Variants in ZMYND8 observed in about 807,000 individuals in gnomAD.
ZMYND8 encodes the protein zinc finger MYND-type containing 8, also known as MYND-type zinc finger-containing chromatin reader ZMYND8.
ZMYND8 carries 37 observed loss-of-function variants against 140.8 expected under a neutral mutation model. That is an observed-to-expected ratio of 0.26 (90% CI 0.20 to 0.35). The LOEUF (loss-of-function observed/expected upper bound fraction) is 0.35, where lower values mean the gene tolerates loss of function less well. Ranked by LOEUF, ZMYND8 falls within the 10% of genes least tolerant of loss-of-function variation. The pLI is 1.00. For missense variants in ZMYND8, 1,068 were observed against 1,570.0 expected (o/e 0.68, Z 5.40); for synonymous variants, 592 against 597.1 (o/e 0.99, Z 0.12).
intron 2 of ZMYND8, among the ~76,000 whole-genome samples, chr20:47,312,053 G>A (rs57339762): frequency 0.014 from 2,122 of 152,224 alleles, 62 homozygotes; most frequent in South Asian, 0.1. Flanking sequence ...TACCACAAGA[G>A]GGGTGAGCTG....
chr20:47,329,924 G>C (rs1292214287), intron 2 of ZMYND8, among the ~76,000 whole-genome samples: 2 of 152,150 alleles, frequency 1.3e-5, no homozygotes, highest in African/African-American at 2.4e-5. Flanking sequence ...CACTCCTTTA[G>C]TCTAGCCTGG....
intron 11 of ZMYND8, among the ~76,000 whole-genome samples, chr20:47,265,068 A>ATATATATATATATATATAT (rs1555948705): frequency 9.7e-5 from 14 of 144,582 alleles, no homozygotes; most frequent in South Asian, 4.3e-4. Flanking sequence ...ATATATATAT[A>ATATATATATATATATATAT]GGCATTTTAA....
intron 21 of ZMYND8, among the ~76,000 whole-genome samples, chr20:47,218,680 G>C (rs1357368049): frequency 6.6e-6 from 1 of 152,134 alleles, no homozygotes; most frequent in Non-Finnish European, 1.5e-5. Flanking sequence ...GCACTAAACT[G>C]AGCCTGTTAC....
At chr20:47,212,785 C>A in intron 21 of ZMYND8, 60 bp from the exon 22 acceptor site, 1 of 1,454,390 alleles carries the variant, frequency 6.9e-7, no homozygotes, top group South Asian at 1.3e-5. Context: ...CCGCACAACC[C>A]CAAGTGCTTA....
intron 2 of ZMYND8, among the ~76,000 whole-genome samples, chr20:47,334,727 A>G (rs1312920170): frequency 6.6e-6 from 1 of 151,748 alleles, no homozygotes; most frequent in Non-Finnish European, 1.5e-5. Context: ...CTCCCGCCTC[A>G]GCCTGCTGAG....
chr20:47,258,680 G>T, intron 12 of ZMYND8, among the ~76,000 whole-genome samples: 1 of 152,106 alleles, frequency 6.6e-6, no homozygotes, highest in East Asian at 1.9e-4. Flanking sequence ...TATCCAGGGT[G>T]CTCCCTTTCA....
chr20:47,255,881 C>T (rs2074669220), intron 12 of ZMYND8, among the ~76,000 whole-genome samples: 1 of 148,578 alleles, frequency 6.7e-6, no homozygotes, highest in Non-Finnish European at 1.5e-5. Flanking sequence ...CGAGACCAGC[C>T]TGGCCAACAT....
chr20:47,236,258 G>A lies in ZMYND8; in HGVS notation c.2856+68C>T, dbSNP rs975549244. 2.0e-5 allele frequency: 32 copies of A among 1,597,828 alleles called. No individual in the cohort carries two copies. The African/African-American group carries it at 2.4e-4, about 12-fold the overall frequency. On this transcript the variant is annotated intron_variant, in intron 16 of 22. Coordinates refer to ENST00000471951, the MANE Select transcript of ZMYND8 (RefSeq NM_001281775.3). Reference sequence around the variant, plus strand: ...GGTTAAGACGCTCACGCTTCCCCTCGGGAGACCAAGATTCTGGCATCCTGC... The same window carrying A: ...GGTTAAGACGCTCACGCTTCCCCTCAGGAGACCAAGATTCTGGCATCCTGC...
rs556744471 is a variant in ZMYND8 at position 47,315,739 on chromosome 20, G to A, written c.86-5535C>T. On this transcript the variant is annotated intron_variant, in intron 2 of 22. Transcript: ENST00000471951. ...TGAACAATGACAAACAGCCACTGTCGACTGAACCACTGGTTCACCCTGGAT... is the reference window on the plus strand; with the variant it reads ...TGAACAATGACAAACAGCCACTGTCAACTGAACCACTGGTTCACCCTGGAT... Among the ~76,000 whole-genome samples, 21 of 152,166 alleles carry A rather than the reference G, an allele frequency of 1.4e-4. No homozygotes were observed. The East Asian group carries it at 1.9e-3, about 14-fold the overall frequency.
chr20:47,236,298 C>T, intron 16 of ZMYND8, 28 bp downstream of exon 16: 1 of 1,613,724 alleles, frequency 6.2e-7, no homozygotes, highest in Non-Finnish European at 8.5e-7. Flanking sequence ...TGTCTGCCAT[C>T]TCCACGGTAG....
At chr20:47,333,741 A>AAAAAAC (rs1569220965) in intron 2 of ZMYND8, among the ~76,000 whole-genome samples, 10 of 144,618 alleles carry the variant, frequency 6.9e-5, no homozygotes, top group African/African-American at 2.7e-4. Context: ...AAAAAAAAAA[A>AAAAAAC]AAAAAAAAAA....
chr20:47,280,511 G>C (rs933211287), intron 10 of ZMYND8, among the ~76,000 whole-genome samples: 7 of 152,282 alleles, frequency 4.6e-5, no homozygotes, highest in African/African-American at 1.4e-4. Context: ...GCTGTCTGAC[G>C]GGTGAGAGAT....
chr20:47,224,622 G>C, intron 18 of ZMYND8, 66 bp from the exon 19 acceptor site: 1 of 1,594,738 alleles, frequency 6.3e-7, no homozygotes, highest in Non-Finnish European at 8.5e-7. Flanking sequence ...GGTTATTCCT[G>C]CCCCCAGATT....
At chr20:47,250,060 A>T (rs982114604) in intron 12 of ZMYND8, among the ~76,000 whole-genome samples, 2 of 152,156 alleles carry the variant, frequency 1.3e-5, no homozygotes, top group Non-Finnish European at 2.9e-5. Context: ...GGCAAGGGGA[A>T]CAGATTAGCC....
rs1381581577 is a variant in ZMYND8 at position 47,270,718 on chromosome 20, A to AAG, written c.1480+5594_1480+5595dup. Among the ~76,000 whole-genome samples, 283 of 148,746 alleles carry AAG rather than the reference A, an allele frequency of 1.9e-3. 2 individuals carry two copies. Among genetic ancestry groups the AAG allele is most frequent in the African/African-American group, 6.2e-3 (251 of 40,578 alleles). On this transcript the variant is annotated intron_variant, in intron 11 of 22. Transcript: ENST00000471951. The stretch of plus-strand genomic sequence containing the variant: ...CTCTGAAAAAAAAAAAAAAAAAAAA[A>AAG]AGAAAGAAAGAAAAAGAAAAAGCTG...
chr20:47,265,375 G>A (rs1022564330), intron 11 of ZMYND8, among the ~76,000 whole-genome samples: 8 of 152,140 alleles, frequency 5.3e-5, no homozygotes, highest in Admixed American at 5.2e-4. Flanking sequence ...ACGCAAAGAT[G>A]CTGTTGCACG....
At chr20:47,280,154 C>G (rs1295423444) in intron 10 of ZMYND8, among the ~76,000 whole-genome samples, 1 of 149,916 alleles carries the variant, frequency 6.7e-6, no homozygotes, top group East Asian at 2.0e-4. Context: ...GAATGGTGGT[C>G]AGAGACTCCC....
chr20:47,316,068 C>T (rs909318998), intron 2 of ZMYND8, among the ~76,000 whole-genome samples: 9 of 152,192 alleles, frequency 5.9e-5, no homozygotes, highest in African/African-American at 9.7e-5. Context: ...CACGGTGGCT[C>T]ACGCCTGTAA....
At chr20:47,272,657 G>A (rs2076028847) in intron 11 of ZMYND8, among the ~76,000 whole-genome samples, 1 of 152,220 alleles carries the variant, frequency 6.6e-6, no homozygotes. Context: ...GCTGAGCAAA[G>A]TGCTTCTTAG....
Sources: allele counts gnomAD v4.1 joint callset (sites outside exome capture counted in the v4.1 genomes callset), GRCh38; gene constraint gnomAD v4.1.1; transcripts MANE v1.5; gene names NCBI Gene and HGNC (gene_info 2026-07-23, HGNC 2026-07-21).